CIMIP2A: variants seen among roughly 807,000 people sequenced by gnomAD.
CIMIP2A encodes ciliary microtubule inner protein 2A, also known as family with sequence similarity 166 member A.
At chr9:137,244,680 C>T in the CIMIP2A span, 35 of 1,613,752 alleles carry the variant, frequency 2.2e-5, 1 homozygote, top group Admixed American at 1.0e-4. Flanking sequence ...TGCATGACGC[C>T]GTCTCGGTAA....
At chr9:137,252,327 T>C in the CIMIP2A span, 1 of 1,348,914 alleles carries the variant, frequency 7.4e-7, no homozygotes, top group South Asian at 1.3e-5. Flanking sequence ...GTGGACATTG[T>C]GAAGACAAGG....
At chr9:137,253,537 G>C in the CIMIP2A span, 2 of 1,385,016 alleles carry the variant, frequency 1.4e-6, no homozygotes, top group Middle Eastern at 3.7e-4. Context: ...CTAGAGATAT[G>C]GCTGCCGCTG....
chr9:137,253,311 C>T, the CIMIP2A span: 1 of 1,556,500 alleles, frequency 6.4e-7, no homozygotes, highest in South Asian at 1.2e-5. Flanking sequence ...CCGGGGCTTT[C>T]CCAGGCCTCC....
At chr9:137,253,630 G>A in the CIMIP2A span, 1 of 665,826 alleles carries the variant, frequency 1.5e-6, no homozygotes, top group Middle Eastern at 4.1e-4. Context: ...GGCAGCCTGT[G>A]ACTGACCCTG....
chr9:137,244,995 G>A, the CIMIP2A span: 2 of 1,608,212 alleles, frequency 1.2e-6, no homozygotes, highest in Non-Finnish European at 1.7e-6. Flanking sequence ...CAGGAAAAGT[G>A]GGCCCCTGTG....
At chr9:137,253,592 C>T in the CIMIP2A span, 2 of 1,067,308 alleles carry the variant, frequency 1.9e-6, no homozygotes, top group East Asian at 2.9e-5. Flanking sequence ...ATTCAGCTGC[C>T]CCTGAAAGGT....
At chr9:137,247,847 C>G in the CIMIP2A span, 1 of 823,060 alleles carries the variant, frequency 1.2e-6, no homozygotes, top group Non-Finnish European at 2.0e-6. Flanking sequence ...CAGGCCACCT[C>G]GCTAACCCTG....
At chr9:137,253,269 G>C in the CIMIP2A span, 1 of 1,594,608 alleles carries the variant, frequency 6.3e-7, no homozygotes, top group Non-Finnish European at 8.5e-7. Context: ...CAACCTGCTT[G>C]GCCCGGCCAC....
chr9:137,255,061 T>C, the CIMIP2A span: 3 of 155,836 alleles, frequency 1.9e-5, no homozygotes, highest in African/African-American at 4.8e-5. Context: ...TCCACGCTTA[T>C]GTACACGAAA....
chr9:137,243,638 T>C, the CIMIP2A span: 37 of 1,613,926 alleles, frequency 2.3e-5, no homozygotes, highest in Non-Finnish European at 3.1e-5. Context: ...TGTCCCACTG[T>C]GTGCACTTGC....
chr9:137,253,278 A>ACCGAGTGGAACCATGGCCTCCC, the CIMIP2A span: 1 of 1,585,576 alleles, frequency 6.3e-7, no homozygotes, highest in Non-Finnish European at 8.6e-7. Flanking sequence ...TGGCCCGGCC[A>ACCGAGTGGAACCATGGCCTCCC]CCGAGTGGAA....
the CIMIP2A span, chr9:137,251,659 C>T: frequency 1.3e-6 from 2 of 1,485,452 alleles, no homozygotes; most frequent in Admixed American, 4.1e-5. Flanking sequence ...GGCTGAGGGA[C>T]AATAGAGGGG....
chr9:137,251,585 G>T, the CIMIP2A span, among the ~76,000 whole-genome samples: 13 of 150,674 alleles, frequency 8.6e-5, no homozygotes, highest in African/African-American at 2.9e-4. Flanking sequence ...GCGGCTGGGA[G>T]CGGCCAGGGG....
At chr9:137,247,781 A>AGCTGGAT in the CIMIP2A span, 1 of 1,515,832 alleles carries the variant, frequency 6.6e-7, no homozygotes, top group Non-Finnish European at 9.1e-7. Flanking sequence ...CCCTGAGGGG[A>AGCTGGAT]GTCCTGTCAC....
chr9:137,250,930 C>G, the CIMIP2A span: 3 of 282,696 alleles, frequency 1.1e-5, no homozygotes, highest in Middle Eastern at 1.2e-3. Context: ...TGGTGGATGC[C>G]GGTGGGTCCT....
the CIMIP2A span, among the ~76,000 whole-genome samples, chr9:137,247,937 G>A: frequency 6.6e-6 from 1 of 152,218 alleles, no homozygotes; most frequent in Non-Finnish European, 1.5e-5. Flanking sequence ...GAGGCAGGTG[G>A]TCCGGGAGGA....
At chr9:137,244,189 A>C in the CIMIP2A span, 60 of 1,613,776 alleles carry the variant, frequency 3.7e-5, no homozygotes, top group Non-Finnish European at 1.7e-6. Flanking sequence ...AACCCCATGT[A>C]GAAGGGGATC....
chr9:137,252,807 A>G, the CIMIP2A span: 265 of 1,565,514 alleles, frequency 1.7e-4, 2 homozygotes, highest in Middle Eastern at 4.5e-3. Flanking sequence ...CTCAGGGTGC[A>G]GCCCCAGTCC....
At chr9:137,244,606 T>A in the CIMIP2A span, 1 of 1,609,990 alleles carries the variant, frequency 6.2e-7, no homozygotes, top group African/African-American at 1.3e-5. Context: ...AGTGTGTGTG[T>A]GAGCTGGGAG....
Sources: gnomAD v4.1 joint callset for allele counts (sites outside exome capture counted in the v4.1 genomes callset) on GRCh38, gnomAD v4.1.1 for gene constraint, MANE v1.5 for transcripts, NCBI Gene and HGNC (gene_info 2026-07-23, HGNC 2026-07-21) for gene names.